The following PAPPA2 variants were observed in gnomAD, a reference collection of about 807,000 sequenced individuals.
PAPPA2 encodes the protein pappalysin 2, also known as pappalysin-2.
A neutral mutation model predicts 176.4 loss-of-function variants in PAPPA2; 86 were observed. That is an observed-to-expected ratio of 0.49 (90% CI 0.41 to 0.58). The LOEUF (loss-of-function observed/expected upper bound fraction) is 0.58. PAPPA2 is among the 20% of genes least tolerant of loss of function. The pLI, the probability that PAPPA2 is intolerant of heterozygous loss-of-function variation, is 0.00. For synonymous variants in PAPPA2, 809 were observed against 852.2 expected, an observed-to-expected ratio of 0.95 and a Z score of 0.88; for missense variants, 2,073 against 2,256.9, an observed-to-expected ratio of 0.92 and a Z score of 1.65.
chr1:176,819,868 T>G (rs748440427), intron 21 of PAPPA2, among the ~76,000 whole-genome samples: 1 of 152,188 alleles, frequency 6.6e-6, no homozygotes, highest in Non-Finnish European at 1.5e-5. Context: ...TTTTTGCATC[T>G]CTTTGAATCT....
chr1:176,783,343 C>G (rs947258436), intron 17 of PAPPA2, among the ~76,000 whole-genome samples: 4 of 152,186 alleles, frequency 2.6e-5, no homozygotes, highest in African/African-American at 9.7e-5. Context: ...ACAAATCATA[C>G]TTTTATTTTC....
chr1:176,690,573 A>T (rs942845463), intron 5 of PAPPA2, 143 bp downstream of exon 5: 4 of 1,427,882 alleles, frequency 2.8e-6, no homozygotes. Context: ...ATTATAAGGT[A>T]TTATTATTTT....
chr1:176,614,519 T>G (rs1484188768), intron 3 of PAPPA2, among the ~76,000 whole-genome samples: 2 of 152,248 alleles, frequency 1.3e-5, no homozygotes, highest in Admixed American at 6.5e-5. Context: ...TCAGTTTTCA[T>G]GCAAGGGCCT....
intron 3 of PAPPA2, among the ~76,000 whole-genome samples, chr1:176,638,954 G>A (rs1656897914): frequency 6.6e-6 from 1 of 151,368 alleles, no homozygotes; most frequent in South Asian, 2.1e-4. Flanking sequence ...GTGTGTGTGT[G>A]TGTGTGTGTG....
At chr1:176,799,613 G>T (rs997899903) in intron 20 of PAPPA2, among the ~76,000 whole-genome samples, 8 of 152,168 alleles carry the variant, frequency 5.3e-5, no homozygotes, top group South Asian at 2.1e-4. Flanking sequence ...TTTAGTTGAA[G>T]AATCTGTAAA....
At chr1:176,506,340 T>C (rs986026723) in intron 1 of PAPPA2, among the ~76,000 whole-genome samples, 1 of 152,120 alleles carries the variant, frequency 6.6e-6, no homozygotes, top group African/African-American at 2.4e-5. Context: ...CAGGCTTTTT[T>C]TTTTCTTCCA....
intron 3 of PAPPA2, among the ~76,000 whole-genome samples, chr1:176,656,489 CG>C (rs1397165993): frequency 1.3e-5 from 2 of 151,928 alleles, no homozygotes; most frequent in African/African-American, 4.8e-5. Flanking sequence ...GATAAGCTCT[CG>C]GGGCCTGGGT....
Position 176,537,719 on chromosome 1 carries a change from A to AGTGTGTGTGTGT in PAPPA2, c.-916-17663_-916-17652dup, listed in dbSNP as rs57602344. Reference sequence around the variant, plus strand: ...GTCCGTTTCAAGGCAGTAGGTATGGAGTGTGTGTGTGTGTGTGTGTGTGTG... The same window carrying AGTGTGTGTGTGT: ...GTCCGTTTCAAGGCAGTAGGTATGGAGTGTGTGTGTGTGTGTGTGTGTGTGTGTGTGTGTGTG... On this transcript the variant is annotated intron_variant, in intron 1 of 22. Transcript: ENST00000367662. Among the ~76,000 whole-genome samples, 1,362 of 143,898 alleles carry AGTGTGTGTGTGT rather than the reference A, an allele frequency of 9.5e-3. 15 individuals carry two copies. The highest frequency in any genetic ancestry group is 0.026 in the African/African-American group (1,013 of 38,868). The allele number at this position is 143,898 out of a possible 152,430, so 94.4% of individuals were successfully genotyped here.
At chr1:176,590,502 ACAT>A (rs750743389) in intron 2 of PAPPA2, among the ~76,000 whole-genome samples, 7 of 152,182 alleles carry the variant, frequency 4.6e-5, no homozygotes, top group African/African-American at 7.2e-5. Context: ...CTTTGATAAC[ACAT>A]CATGAAACTC....
At chr1:176,518,054 A>G (rs1649013226) in intron 1 of PAPPA2, among the ~76,000 whole-genome samples, 1 of 152,164 alleles carries the variant, frequency 6.6e-6, no homozygotes, top group Non-Finnish European at 1.5e-5. Context: ...CCTTCATTTT[A>G]GAGAGCTTGA....
intron 3 of PAPPA2, among the ~76,000 whole-genome samples, chr1:176,598,945 T>G (rs1253181893): frequency 6.6e-6 from 1 of 152,150 alleles, no homozygotes; most frequent in African/African-American, 2.4e-5. Context: ...TCAAGCAAAT[T>G]TCTAAGAAAA....
At chr1:176,676,286 T>A (rs541243497) in intron 4 of PAPPA2, among the ~76,000 whole-genome samples, 1 of 152,006 alleles carries the variant, frequency 6.6e-6, no homozygotes, top group East Asian at 1.9e-4. Flanking sequence ...CATGAATGAA[T>A]CTTCATAGCA....
chr1:176,801,372 T>C (rs577746360), intron 21 of PAPPA2, among the ~76,000 whole-genome samples: 1 of 152,274 alleles, frequency 6.6e-6, no homozygotes, highest in East Asian at 1.9e-4. Flanking sequence ...TCTCTGTGTT[T>C]CTTGATCTAA....
At chr1:176,700,648 G>A (rs1052832157) in intron 8 of PAPPA2, among the ~76,000 whole-genome samples, 2 of 152,164 alleles carry the variant, frequency 1.3e-5, no homozygotes, top group African/African-American at 4.8e-5. Context: ...AGCCCCAAAT[G>A]CTTACACTTT....
At chr1:176,708,089 C>T (rs1660964300) in intron 10 of PAPPA2, among the ~76,000 whole-genome samples, 3 of 152,094 alleles carry the variant, frequency 2.0e-5, no homozygotes, top group East Asian at 3.9e-4. Flanking sequence ...ACATAGTGGT[C>T]GCATATTAAA....
At chr1:176,537,719 A>AGTGTTT (rs1553358726) in intron 1 of PAPPA2, among the ~76,000 whole-genome samples, 2 of 143,828 alleles carry the variant, frequency 1.4e-5, no homozygotes, top group Non-Finnish European at 3.0e-5. Context: ...GTAGGTATGG[A>AGTGTTT]GTGTGTGTGT....
intron 20 of PAPPA2, among the ~76,000 whole-genome samples, chr1:176,795,374 G>A (rs1665383033): frequency 6.6e-6 from 1 of 152,110 alleles, no homozygotes; most frequent in African/African-American, 2.4e-5. Context: ...AGGGCCCACA[G>A]AAAAGGATGA....
intron 21 of PAPPA2, among the ~76,000 whole-genome samples, chr1:176,832,883 G>T (rs906237916): frequency 6.6e-6 from 1 of 151,992 alleles, no homozygotes; most frequent in Admixed American, 6.6e-5. Flanking sequence ...CTTTGGTCTT[G>T]GTGTCAAATG....
At chr1:176,782,742 C>T (rs1340373504) in intron 17 of PAPPA2, among the ~76,000 whole-genome samples, 2 of 152,102 alleles carry the variant, frequency 1.3e-5, no homozygotes, top group Non-Finnish European at 2.9e-5. Context: ...TTTCATTTTT[C>T]ATCCTAACAG....
Sources: gnomAD v4.1 joint callset for allele counts (sites outside exome capture counted in the v4.1 genomes callset) on GRCh38, gnomAD v4.1.1 for gene constraint, MANE v1.5 for transcripts, NCBI Gene and HGNC (gene_info 2026-07-23, HGNC 2026-07-21) for gene names.